Variants in SUSD1 observed in about 807,000 individuals in gnomAD.
SUSD1 encodes the protein sushi domain-containing protein 1.
A neutral mutation model predicts 86.9 loss-of-function variants in SUSD1; 65 were observed. The observed-to-expected ratio is 0.75, with a 90% CI of 0.61 to 0.92. The LOEUF is 0.92. Ranked by LOEUF, SUSD1 falls within the 40% of genes least tolerant of loss-of-function variation. The pLI is 0.00. For missense variants in SUSD1, 850 were observed against 929.7 expected, an observed-to-expected ratio of 0.91 and a Z score of 1.11; for synonymous variants, 346 against 350.0, an observed-to-expected ratio of 0.99 and a Z score of 0.13.
At chr9:112,106,730 G>T (rs1830856000) in intron 8 of SUSD1, among the ~76,000 whole-genome samples, 1 of 94,274 alleles carries the variant, frequency 1.1e-5, no homozygotes, top group Non-Finnish European at 2.1e-5. Context: ...AGAGAGAGGG[G>T]AAGAAATAAA....
At chr9:112,085,409 C>T (rs1050169719) in intron 10 of SUSD1, among the ~76,000 whole-genome samples, 1 of 152,178 alleles carries the variant, frequency 6.6e-6, no homozygotes, top group East Asian at 1.9e-4. Flanking sequence ...ATTTGGTCTT[C>T]ACAACAAGCC....
intron 5 of SUSD1, among the ~76,000 whole-genome samples, chr9:112,134,539 G>A (rs867072021): frequency 4.6e-5 from 7 of 152,202 alleles, no homozygotes; most frequent in Admixed American, 6.5e-5. Context: ...TCACATATAA[G>A]TGGGAGCTAA....
intron 5 of SUSD1, among the ~76,000 whole-genome samples, chr9:112,133,305 G>C (rs1410207376): frequency 1.3e-5 from 2 of 152,132 alleles, no homozygotes; most frequent in East Asian, 3.9e-4. Flanking sequence ...TACATTACCA[G>C]ACTTCAAACT....
chr9:112,125,358 A>C (rs548749111), intron 5 of SUSD1, among the ~76,000 whole-genome samples: 1 of 152,316 alleles, frequency 6.6e-6, no homozygotes, highest in Admixed American at 6.5e-5. Context: ...ATAAATTTTC[A>C]AATTATTTCA....
chr9:112,074,519 G>T (rs1829429843), intron 12 of SUSD1, among the ~76,000 whole-genome samples: 1 of 152,154 alleles, frequency 6.6e-6, no homozygotes, highest in South Asian at 2.1e-4. Flanking sequence ...GTCCTCTGAG[G>T]TCAGCGATGT....
chr9:112,058,795 T>C (rs1004222040), intron 13 of SUSD1, 109 bp from the exon 14 acceptor site: 1 of 1,398,510 alleles, frequency 7.2e-7, no homozygotes, highest in Non-Finnish European at 9.5e-7. Flanking sequence ...CTTTGTTTTT[T>C]TGTTTTTTGT....
rs768941340 is a variant in SUSD1, at chr9:112,149,232, C to G, written c.373+12G>C. 15 of 1,613,690 alleles carry G rather than the reference C, an allele frequency of 9.3e-6. No homozygotes were observed. The South Asian group carries it at 1.5e-4, about 17-fold the overall frequency. ...CGCCAATTGTCAACACCGCAGCCCC[C>G]TTCTTGAGTACCTGTACAAAAGGTG... On this transcript the variant is annotated intron_variant, in intron 3 of 16. Coordinates refer to ENST00000374270, the MANE Select transcript of SUSD1 (RefSeq NM_022486.5).
intron 10 of SUSD1, among the ~76,000 whole-genome samples, chr9:112,094,938 GA>G (rs1440877808): frequency 6.6e-6 from 1 of 152,216 alleles, no homozygotes; most frequent in African/African-American, 2.4e-5. Context: ...GTTTTTGTAA[GA>G]TGGGGCAACA....
chr9:112,051,012 C>G (rs1250330711), intron 15 of SUSD1, among the ~76,000 whole-genome samples: 2 of 152,196 alleles, frequency 1.3e-5, no homozygotes, highest in South Asian at 2.1e-4. Flanking sequence ...CCAAACTGAC[C>G]ACCCAAGTGA....
At chr9:112,102,026 A>G in intron 9 of SUSD1, 150 bp downstream of exon 9, 1 of 477,082 alleles carries the variant, frequency 2.1e-6, no homozygotes, top group Non-Finnish European at 3.8e-6. Flanking sequence ...ATTTACACCC[A>G]TCTCACATCT....
At chr9:112,148,210 C>T (rs1291099273) in intron 3 of SUSD1, among the ~76,000 whole-genome samples, 1 of 152,122 alleles carries the variant, frequency 6.6e-6, no homozygotes, top group Admixed American at 6.6e-5. Context: ...GCTTTTTCTG[C>T]CTTTCCTCTT....
rs751647741 is a variant in SUSD1 at position 112,101,188 on chromosome 9, G to A, written c.1281+988C>T. On this transcript the variant is annotated intron_variant, in intron 9 of 16. Coordinates refer to ENST00000374270, the MANE Select transcript of SUSD1 (RefSeq NM_022486.5). ...ACCAGCCTAGCCAATATGGTGACAC[G>A]ACATCTCTAATAAAAATACAAAAAT... Among the ~76,000 whole-genome samples the A allele has an allele frequency of 6.6e-5, 10 of 151,468 alleles. No homozygotes were observed. The South Asian group carries it at 1.0e-3, about 16-fold the overall frequency.
At position 112,163,041 on chromosome 9, in the gene SUSD1, C is replaced by G. The variant is rs138203993; in HGVS notation, c.104-5428G>C. On this transcript the variant is annotated intron_variant, in intron 1 of 16. Coordinates refer to ENST00000374270, the MANE Select transcript of SUSD1 (RefSeq NM_022486.5). ...ATATGTAATCATACGTTCTGAATCT[C>G]ATTATTTAAGGTTGACAAATGCAAA... Among the ~76,000 whole-genome samples, 8 of 152,292 alleles carry G rather than the reference C, an allele frequency of 5.3e-5. No individual in the cohort carries two copies. The East Asian group carries it at 1.5e-3, about 29-fold the overall frequency.
intron 5 of SUSD1, among the ~76,000 whole-genome samples, chr9:112,125,247 G>C (rs149640414): frequency 9.9e-5 from 15 of 152,240 alleles, no homozygotes; most frequent in Non-Finnish European, 1.5e-4. Flanking sequence ...CAAGATGTAT[G>C]GATGTCTCCA....
rs935457960 is a variant in SUSD1 at position 112,041,950 on chromosome 9, G to A, written c.2160C>T (p.Leu720=). The change falls in exon 16 of 17, where the codon CTC becomes CTT. Residue 720 remains leucine (L), a synonymous_variant. Transcript: ENST00000374270. ...AVWAQVKDSS[L]MLLQMAGVGL... Reference sequence around the variant, plus strand: ...CAACACCCGCCATCTGCAGCAGCATGAGTGACGAATCTGTGGGACAAAACC... The same window carrying A: ...CAACACCCGCCATCTGCAGCAGCATAAGTGACGAATCTGTGGGACAAAACC... The A allele has an allele frequency of 3.1e-6, 5 of 1,613,824 alleles. No individual in the cohort carries two copies. The highest frequency in any genetic ancestry group is 2.7e-5 in the African/African-American group (2 of 74,912).
chr9:112,152,663 A>G (rs75132247), intron 2 of SUSD1, among the ~76,000 whole-genome samples: 5,284 of 144,998 alleles, frequency 0.036, 352 homozygotes, highest in African/African-American at 0.13. Context: ...TTGTGCCTCC[A>G]CGTCCCAAAG....
chr9:112,076,707 A>T (rs903396109), intron 12 of SUSD1, among the ~76,000 whole-genome samples: 2 of 152,192 alleles, frequency 1.3e-5, no homozygotes, highest in Non-Finnish European at 2.9e-5. Flanking sequence ...AGATCACCTA[A>T]GCAGAAAGGG....
intron 10 of SUSD1, among the ~76,000 whole-genome samples, chr9:112,086,977 A>G (rs1449414090): frequency 6.7e-6 from 1 of 149,530 alleles, no homozygotes; most frequent in Non-Finnish European, 1.5e-5. Flanking sequence ...TGTATTTTAT[A>G]TATATATACA....
At chr9:112,085,366 G>GATGTGTCACAATACCT (rs1829933924) in intron 10 of SUSD1, among the ~76,000 whole-genome samples, 1 of 152,202 alleles carries the variant, frequency 6.6e-6, no homozygotes, top group Admixed American at 6.5e-5. Context: ...TCTTGTGTCA[G>GATGTGTCACAATACCT]GTATTGTGCT....
Sources: gnomAD v4.1 joint callset for allele counts (sites outside exome capture counted in the v4.1 genomes callset) on GRCh38, gnomAD v4.1.1 for gene constraint, MANE v1.5 for transcripts, NCBI Gene and HGNC (gene_info 2026-07-23, HGNC 2026-07-21) for gene names.